UQCRFS1: variants seen among roughly 807,000 people sequenced by gnomAD.
The protein encoded by UQCRFS1 is cytochrome b-c1 complex subunit Rieske, mitochondrial.
A neutral mutation model predicts 15.6 loss-of-function variants in UQCRFS1; 6 were observed. The observed-to-expected ratio is 0.38, with a 90% CI of 0.21 to 0.76. The LOEUF (loss-of-function observed/expected upper bound fraction) is 0.76. UQCRFS1 is among the 30% of genes least tolerant of loss of function. UQCRFS1 has a pLI of 0.44. For synonymous variants in UQCRFS1, 105 were observed against 154.3 expected (o/e 0.68, Z 2.37); for missense variants, 203 against 366.7 (o/e 0.55, Z 3.65).
chr19:29,208,092 A>C lies in UQCRFS1; in HGVS notation c.281T>G (p.Leu94Arg), dbSNP rs566150364. The C allele has an allele frequency of 6.2e-7, 1 of 1,614,104 alleles. No homozygotes were observed. The highest frequency in any genetic ancestry group is 1.3e-5 in the African/African-American group (1 of 75,062). ...KVPDFSEYRRLEVLDSTKSSR... is the reference protein window; with the variant it reads ...KVPDFSEYRRREVLDSTKSSR... The stretch of plus-strand genomic sequence containing the variant: ...AGACTTCGTACTATCTAAAACTTCA[A>C]GGCGGCGGTATTCAGAGAAGTCAGG... Residue 94 changes from leucine to arginine, a missense_variant, in exon 2 of 2, where the codon CTT becomes CGT. Leu to Arg is a moderately radical substitution (Grantham distance 102, BLOSUM62 -2). This residue lies in a region of UQCRFS1 where 92 missense variants were observed against 120.5 expected (regional missense o/e 0.76). Transcript: ENST00000304863.
chr19:29,207,770 A>C lies in UQCRFS1; in HGVS notation c.603T>G (p.Asp201Glu). The C allele has an allele frequency of 6.2e-7, 1 of 1,614,024 alleles. No homozygotes were observed. Among genetic ancestry groups the C allele is most frequent in the South Asian group, 1.1e-5 (1 of 91,082 alleles). Residue 201 changes from aspartate (D) to glutamate (E), a missense_variant, in exon 2 of 2, where the codon GAT (aspartate) becomes GAG (glutamate). This residue lies in a region of UQCRFS1 where 91 missense variants were observed against 186.9 expected (regional missense o/e 0.49). Transcript: ENST00000304863. ...ATTCAGGTTTCTTTACTCGATCTAG[A>C]TCATGCTGTGGGTCCCTCAACTGTG... is the stretch of plus-strand genomic sequence containing the variant. ...ELSQLRDPQH[D>E]LDRVKKPEWV...
intron 1 of UQCRFS1, among the ~76,000 whole-genome samples, chr19:29,208,823 GAGA>G (rs1270715720): frequency 7.9e-5 from 12 of 152,090 alleles, no homozygotes; most frequent in Non-Finnish European, 1.6e-4. Context: ...CTAATAGGCA[GAGA>G]AGGACATCCT....
intron 1 of UQCRFS1, among the ~76,000 whole-genome samples, chr19:29,211,905 A>G (rs1739305096): frequency 6.6e-6 from 1 of 152,202 alleles, no homozygotes; most frequent in African/African-American, 2.4e-5. Flanking sequence ...AAAGACTGTG[A>G]CAAACTGGAG....
chr19:29,212,964 C>T lies in UQCRFS1; in HGVS notation c.155G>A (p.Arg52Gln), dbSNP rs1976676322. 1.4e-6 allele frequency: 2 copies of T among 1,401,240 alleles called. No individual in the cohort carries two copies. Among genetic ancestry groups the T allele is most frequent in the Non-Finnish European group, 1.8e-6 (2 of 1,090,538 alleles). The allele number at this position is 1,401,240 out of a possible 1,614,324, so 86.8% of individuals were successfully genotyped here. A position where few individuals can be genotyped will look rare whatever the true frequency, so the allele number is the denominator to read the frequency against. Reference protein sequence around the residue: ...VLDLKRPFLSRESLSGQAVRR... With the variant: ...VLDLKRPFLSQESLSGQAVRR... ...CACGGCCTGGCCGCTCAGCGACTCC[C>T]GGCTGAGGAAGGGCCGCTTCAGGTC... Residue 52 changes from arginine to glutamine, a missense_variant, in exon 1 of 2, where the codon CGG (arginine) becomes CAG (glutamine). This residue lies in a region of UQCRFS1 where 92 missense variants were observed against 120.5 expected (regional missense o/e 0.76). Coordinates refer to ENST00000304863, the MANE Select transcript of UQCRFS1 (RefSeq NM_006003.3).
chr19:29,212,330 C>G (rs1281600648), intron 1 of UQCRFS1, among the ~76,000 whole-genome samples: 1 of 151,286 alleles, frequency 6.6e-6, no homozygotes. Context: ...CCGTCCTTGA[C>G]GACTGATTAT....
At chr19:29,212,609 G>A (rs1398689483) in intron 1 of UQCRFS1, among the ~76,000 whole-genome samples, 1 of 152,110 alleles carries the variant, frequency 6.6e-6, no homozygotes, top group Non-Finnish European at 1.5e-5. Flanking sequence ...TTAGAAACTC[G>A]CCCAAGGTCA....
At chr19:29,208,658 A>C (rs146455649) in intron 1 of UQCRFS1, among the ~76,000 whole-genome samples, 12 of 152,356 alleles carry the variant, frequency 7.9e-5, no homozygotes, top group Non-Finnish European at 1.2e-4. Context: ...TCTGCCCCTT[A>C]TAGTCCAATC....
At chr19:29,209,142 CAATA>C (rs1568344977) in intron 1 of UQCRFS1, among the ~76,000 whole-genome samples, 3 of 20,206 alleles carry the variant, frequency 1.5e-4, no homozygotes, top group African/African-American at 2.0e-4. Flanking sequence ...TCCCTCTCTC[CAATA>C]CTATTTTTAA....
chr19:29,212,397 T>G (rs1334129736), intron 1 of UQCRFS1, among the ~76,000 whole-genome samples: 1 of 143,994 alleles, frequency 6.9e-6, no homozygotes, highest in Non-Finnish European at 1.5e-5. Flanking sequence ...TTTTTTTTGG[T>G]GGGGGGGTGA....
rs924564915 is a variant in UQCRFS1 at position 29,207,231 on chromosome 19, G to A, written c.*317C>T. ...ACGCAAAGCAGGAAGCAAATATTTG[G>A]GCAAGAAAATAAAGTCAGTTACAGA... On this transcript the variant is annotated 3_prime_UTR_variant, in exon 2 of 2. Coordinates refer to ENST00000304863, the MANE Select transcript of UQCRFS1 (RefSeq NM_006003.3). 9.2e-6 allele frequency: 2 copies of A among 217,936 alleles called. No individual in the cohort carries two copies. The highest frequency in any genetic ancestry group is 4.6e-5 in the African/African-American group (2 of 43,416). The allele number at this position is 217,936 out of a possible 1,614,324, so 13.5% of individuals were successfully genotyped here.
chr19:29,206,320 C>G lies in UQCRFS1; in HGVS notation c.*1228G>C, dbSNP rs75241295. On this transcript the variant is annotated 3_prime_UTR_variant, in exon 2 of 2. Coordinates refer to ENST00000304863, the MANE Select transcript of UQCRFS1 (RefSeq NM_006003.3). ...GACATTTTCTTTTTTCTGTCAACAC[C>G]TAGCTATTAACATCAAAGGCTGGAA... 6.6e-6 allele frequency: 1 copy of G among 152,290 alleles called. No homozygotes were observed. The highest frequency in any genetic ancestry group is 2.4e-5 in the African/African-American group (1 of 41,566). The allele number at this position is 152,290 out of a possible 1,614,324, so 9.4% of individuals were successfully genotyped here.
At chr19:29,211,000 T>C (rs1462265766) in intron 1 of UQCRFS1, among the ~76,000 whole-genome samples, 1 of 151,962 alleles carries the variant, frequency 6.6e-6, no homozygotes, top group Non-Finnish European at 1.5e-5. Flanking sequence ...TTCCTATTTC[T>C]CCACATCCTC....
Position 29,207,864 on chromosome 19 carries a change from C to T in UQCRFS1, c.509G>A (p.Arg170Lys). 6 of 1,614,000 alleles carry T rather than the reference C, an allele frequency of 3.7e-6. No individual in the cohort carries two copies. Among genetic ancestry groups the T allele is most frequent in the African/African-American group, 1.3e-5 (1 of 75,028 alleles). ...PEGKNMAFKW[R>K]GKPLFVRHRT... ...ATGACGCACAAACAGGGGTTTGCCTCTCCATTTGAAAGCCATGTTCTTGCC... is the reference window on the plus strand; with the variant it reads ...ATGACGCACAAACAGGGGTTTGCCTTTCCATTTGAAAGCCATGTTCTTGCC... Residue 170 changes from arginine to lysine, a missense_variant, in exon 2 of 2, where the codon AGA becomes AAA. Arg to Lys is a conservative substitution (Grantham distance 26). Transcript: ENST00000304863.
chr19:29,205,958 C>T lies in UQCRFS1; in HGVS notation c.*1590G>A, dbSNP rs138646070. On this transcript the variant is annotated 3_prime_UTR_variant, in exon 2 of 2. Coordinates refer to ENST00000304863, the MANE Select transcript of UQCRFS1 (RefSeq NM_006003.3). Reference sequence around the variant, plus strand: ...AGACCTGCAAACTTCCTACTTCTGTCCTCCACTGCCATGTAGAATTTCAAG... The same window carrying T: ...AGACCTGCAAACTTCCTACTTCTGTTCTCCACTGCCATGTAGAATTTCAAG... 2 of 152,318 alleles carry T rather than the reference C, an allele frequency of 1.3e-5. No individual in the cohort carries two copies. Among genetic ancestry groups the T allele is most frequent in the Non-Finnish European group, 2.9e-5 (2 of 68,030 alleles). The allele number at this position is 152,318 out of a possible 1,614,324, so 9.4% of individuals were successfully genotyped here. A position where few individuals can be genotyped will look rare whatever the true frequency, so the allele number is the denominator to read the frequency against.
At chr19:29,210,134 G>A (rs750873105) in intron 1 of UQCRFS1, among the ~76,000 whole-genome samples, 1 of 152,084 alleles carries the variant, frequency 6.6e-6, no homozygotes, top group Non-Finnish European at 1.5e-5. Flanking sequence ...GCTCCAATGC[G>A]CCTTGGAAAT....
At chr19:29,211,440 A>C (rs1328034434) in intron 1 of UQCRFS1, among the ~76,000 whole-genome samples, 1 of 152,168 alleles carries the variant, frequency 6.6e-6, no homozygotes, top group Non-Finnish European at 1.5e-5. Context: ...GGTACTCTAC[A>C]CCTGCCATGG....
In UQCRFS1 at chr19:29,207,302, T is replaced by C. The variant is rs1976603810; in HGVS notation, c.*246A>G. Reference sequence around the variant, plus strand: ...CCAGTCTGTAATTTTTAATTAGAATTAGCTAAAAGACATTGTACCTTTCGC... The same window carrying C: ...CCAGTCTGTAATTTTTAATTAGAATCAGCTAAAAGACATTGTACCTTTCGC... On this transcript the variant is annotated 3_prime_UTR_variant, in exon 2 of 2. Transcript: ENST00000304863. 2.5e-6 allele frequency: 1 copy of C among 395,120 alleles called. No individual in the cohort carries two copies. Among genetic ancestry groups the C allele is most frequent in the African/African-American group, 2.1e-5 (1 of 48,534 alleles). 24.5% of individuals were successfully genotyped at this position (395,120 alleles called of 1,614,324 possible). A position where few individuals can be genotyped will look rare whatever the true frequency, so the allele number is the denominator to read the frequency against.
intron 1 of UQCRFS1, among the ~76,000 whole-genome samples, chr19:29,211,633 T>A (rs908584166): frequency 2.0e-5 from 3 of 152,184 alleles, no homozygotes; most frequent in Admixed American, 2.0e-4. Flanking sequence ...GTGTAAAGTG[T>A]ATGTGCTACA....
In UQCRFS1 at chr19:29,207,535, G is replaced by C. The variant is rs751732012; in HGVS notation, c.*13C>G. 3.8e-6 allele frequency: 6 copies of C among 1,583,214 alleles called. No individual in the cohort carries two copies. The highest frequency in any genetic ancestry group is 1.7e-4 in the Middle Eastern group (1 of 5,890). On this transcript the variant is annotated 3_prime_UTR_variant, in exon 2 of 2. Coordinates refer to ENST00000304863, the MANE Select transcript of UQCRFS1 (RefSeq NM_006003.3). The stretch of plus-strand genomic sequence containing the variant: ...AAAGACTGAAAGAAGCCTATGACTT[G>C]AGTCCAAGTCTCTTAACCAACAATC...
Sources: allele counts gnomAD v4.1 joint callset (sites outside exome capture counted in the v4.1 genomes callset), GRCh38; gene constraint gnomAD v4.1.1; regional missense constraint gnomAD v4.1.1; transcripts MANE v1.5; gene names NCBI Gene and HGNC (gene_info 2026-07-23, HGNC 2026-07-21).